Variants in AP3B1 observed in about 807,000 individuals in gnomAD.
AP3B1 encodes adaptor related protein complex 3 subunit beta 1.
In AP3B1, 61 loss-of-function variants were observed where a neutral mutation model predicts 132.5. That is an observed-to-expected ratio of 0.46 (90% CI 0.37 to 0.57). The LOEUF (loss-of-function observed/expected upper bound fraction) is 0.57, where lower values mean the gene tolerates loss of function less well. Among genes scored for constraint, AP3B1 ranks in the 20% least tolerant of loss-of-function variants. The pLI is 0.00. For synonymous variants in AP3B1, 388 were observed against 438.3 expected, an observed-to-expected ratio of 0.89 and a Z score of 1.43; for missense variants, 1,120 against 1,289.4, an observed-to-expected ratio of 0.87 and a Z score of 2.01.
rs186937391 is a variant in AP3B1 at position 78,138,653 on chromosome 5, G to T, written c.1650+2490C>A. 2.1e-3 allele frequency among the ~76,000 whole-genome samples: 318 copies of T among 152,118 alleles called. 1 individual carries two copies. Among genetic ancestry groups the T allele is most frequent in the Non-Finnish European group, 3.8e-3 (258 of 68,002 alleles). On this transcript the variant is annotated intron_variant, in intron 15 of 26. Coordinates refer to ENST00000255194, the MANE Select transcript of AP3B1 (RefSeq NM_003664.5). ...AAAAATCACTGTGTTTTCACCATTA[G>T]GTGGTGAGGCCTATTGTAGTTTCCT...
intron 14 of AP3B1, among the ~76,000 whole-genome samples, chr5:78,155,558 A>G (rs1309888778): frequency 1.3e-5 from 2 of 152,204 alleles, no homozygotes; most frequent in African/African-American, 2.4e-5. Flanking sequence ...AAGATCTACC[A>G]TATAAAGGAA....
intron 22 of AP3B1, among the ~76,000 whole-genome samples, chr5:78,070,765 C>T (rs1749503202): frequency 2.0e-5 from 3 of 151,212 alleles, no homozygotes; most frequent in African/African-American, 7.3e-5. Flanking sequence ...CATGAACAGA[C>T]ACTTCTCAAA....
At chr5:78,267,493 A>C (rs760050346) in intron 2 of AP3B1, 27 bp downstream of exon 2, 2 of 1,516,918 alleles carry the variant, frequency 1.3e-6, no homozygotes, top group East Asian at 4.6e-5. Flanking sequence ...TTTTTCCAAA[A>C]TTGAAGTAAA....
In AP3B1 at chr5:78,119,175, CA is replaced by C. The variant is rs374346628; in HGVS notation, c.1969-2942del. On this transcript the variant is annotated intron_variant, in intron 17 of 26. Coordinates refer to ENST00000255194, the MANE Select transcript of AP3B1 (RefSeq NM_003664.5). Reference sequence around the variant, plus strand: ...TAACAAACAGAAAGGACATCCACACCAAAAACCCATCTGTACATCACCATCA... The same window carrying C: ...TAACAAACAGAAAGGACATCCACACCAAAACCCATCTGTACATCACCATCA... Among the ~76,000 whole-genome samples, 151 of 152,174 alleles carry C rather than the reference CA, an allele frequency of 9.9e-4. No individual in the cohort carries two copies. The East Asian group carries it at 0.026, about 26-fold the overall frequency.
chr5:78,148,546 A>G (rs1253291337), intron 14 of AP3B1, among the ~76,000 whole-genome samples: 1 of 152,154 alleles, frequency 6.6e-6, no homozygotes, highest in African/African-American at 2.4e-5. Context: ...TCTGACCTCC[A>G]TTTAATCTCA....
chr5:78,278,638 CTAAT>C (rs1748902358), intron 1 of AP3B1, among the ~76,000 whole-genome samples: 1 of 104,038 alleles, frequency 9.6e-6, no homozygotes, highest in African/African-American at 4.2e-5. Flanking sequence ...GGGGGGGGGA[CTAAT>C]TAATTATGAG....
chr5:78,162,746 T>C, intron 13 of AP3B1, 73 bp downstream of exon 13: 1 of 1,546,492 alleles, frequency 6.5e-7, no homozygotes, highest in East Asian at 2.3e-5. Flanking sequence ...TTAGAAAAGG[T>C]TACAACTTGG....
At chr5:78,137,725 A>T (rs1752977928) in intron 15 of AP3B1, among the ~76,000 whole-genome samples, 1 of 152,140 alleles carries the variant, frequency 6.6e-6, no homozygotes, top group South Asian at 2.1e-4. Flanking sequence ...TCAGTCTAGG[A>T]TATACTCAAA....
chr5:78,152,154 T>G (rs1753701073), intron 14 of AP3B1, among the ~76,000 whole-genome samples: 1 of 136,370 alleles, frequency 7.3e-6, no homozygotes, highest in Non-Finnish European at 1.6e-5. Context: ...CTTTTTGATG[T>G]GTCTTTGTTT....
At position 78,260,373 on chromosome 5, in the gene AP3B1, G is replaced by A. The variant is rs527506889; in HGVS notation, c.204+7147C>T. ...AGGCCGAGGAGGGCAGATCACCAGAGGTCAGATCACCAGAGGTCAGGAGTT... is the reference window on the plus strand; with the variant it reads ...AGGCCGAGGAGGGCAGATCACCAGAAGTCAGATCACCAGAGGTCAGGAGTT... On this transcript the variant is annotated intron_variant, in intron 2 of 26. Transcript: ENST00000255194. Among the ~76,000 whole-genome samples, 64 of 151,850 alleles carry A rather than the reference G, an allele frequency of 4.2e-4. 2 individuals are homozygous for A. The South Asian group carries it at 0.01, about 25-fold the overall frequency.
intron 1 of AP3B1, among the ~76,000 whole-genome samples, chr5:78,277,794 C>A (rs79196451): frequency 1.3e-5 from 2 of 152,112 alleles, no homozygotes; most frequent in East Asian, 3.9e-4. Flanking sequence ...ACAGAAGAAC[C>A]CTTTCACTGT....
At chr5:78,086,641 A>T (rs1750268021) in intron 22 of AP3B1, among the ~76,000 whole-genome samples, 1 of 152,186 alleles carries the variant, frequency 6.6e-6, no homozygotes, top group Non-Finnish European at 1.5e-5. Context: ...TAAGGAGTGA[A>T]GGCCAGGAAT....
At chr5:78,251,427 G>C (rs545058077) in intron 2 of AP3B1, among the ~76,000 whole-genome samples, 2 of 152,350 alleles carry the variant, frequency 1.3e-5, no homozygotes, top group South Asian at 4.1e-4. Flanking sequence ...GCACAGAAGA[G>C]ATTAAAAGTA....
intron 22 of AP3B1, among the ~76,000 whole-genome samples, chr5:78,057,031 C>T (rs768550314): frequency 4.6e-5 from 7 of 152,158 alleles, no homozygotes; most frequent in Non-Finnish European, 8.8e-5. Context: ...CATTTTTATA[C>T]AGGATATTGC....
At chr5:78,099,023 AT>A (rs1751018423) in intron 21 of AP3B1, among the ~76,000 whole-genome samples, 1 of 152,186 alleles carries the variant, frequency 6.6e-6, no homozygotes, top group South Asian at 2.1e-4. Flanking sequence ...TTAGTAGGTA[AT>A]TAGGTTATAG....
intron 22 of AP3B1, among the ~76,000 whole-genome samples, chr5:78,050,098 A>G (rs1364229027): frequency 6.6e-6 from 1 of 152,126 alleles, no homozygotes; most frequent in Admixed American, 6.6e-5. Context: ...CAGTCCCACT[A>G]TAGGTTATTC....
intron 11 of AP3B1, among the ~76,000 whole-genome samples, chr5:78,167,942 G>A (rs58553500): frequency 0.29 from 42,400 of 146,530 alleles, 6,400 homozygotes; most frequent in Admixed American, 0.39. Flanking sequence ...CGGGTGCACC[G>A]AAATCTCAGA....
At chr5:78,031,952 T>C (rs1449403807) in intron 24 of AP3B1, among the ~76,000 whole-genome samples, 1 of 152,218 alleles carries the variant, frequency 6.6e-6, no homozygotes, top group Non-Finnish European at 1.5e-5. Flanking sequence ...AATGCATGCA[T>C]GCCTGTGGGG....
chr5:78,006,117 GTGGGTTCT>G lies in AP3B1; in HGVS notation c.3132-3070_3132-3063del, dbSNP rs533253452. On this transcript the variant is annotated intron_variant, in intron 26 of 26. Coordinates refer to ENST00000255194, the MANE Select transcript of AP3B1 (RefSeq NM_003664.5). ...GTTAAGCACTTACTGTGTTCTGGCA[GTGGGTTCT>G]AAGTGCTTCACTGGAATTATTTCAT... Among the ~76,000 whole-genome samples the G allele has an allele frequency of 1.6e-4, 25 of 152,318 alleles. No homozygotes were observed. The South Asian group carries it at 3.7e-3, about 23-fold the overall frequency.
Sources: gnomAD v4.1 joint callset for allele counts (sites outside exome capture counted in the v4.1 genomes callset) on GRCh38, gnomAD v4.1.1 for gene constraint, MANE v1.5 for transcripts, NCBI Gene and HGNC (gene_info 2026-07-23, HGNC 2026-07-21) for gene names.